Variants in LARP1B observed in about 807,000 individuals in gnomAD.
LARP1B encodes La ribonucleoprotein 1B.
LARP1B carries 76 observed loss-of-function variants against 114.2 expected under a neutral mutation model. The observed-to-expected ratio is 0.67, with a 90% CI of 0.55 to 0.81. The LOEUF (loss-of-function observed/expected upper bound fraction) is 0.81, where lower values mean the gene tolerates loss of function less well. LARP1B is among the 30% of genes least tolerant of loss of function. The pLI, the probability that LARP1B is intolerant of heterozygous loss-of-function variation, is 0.00. For synonymous variants in LARP1B, 345 were observed against 348.0 expected (o/e 0.99, Z 0.10); for missense variants, 1,014 against 1,075.8 (o/e 0.94, Z 0.80).
intron 8 of LARP1B, among the ~76,000 whole-genome samples, chr4:128,105,024 C>T (rs1419993256): frequency 4.6e-5 from 7 of 151,710 alleles, no homozygotes; most frequent in Non-Finnish European, 1.0e-4. Context: ...TTTTCCACAA[C>T]TTTACTTTGG....
intron 1 of LARP1B, among the ~76,000 whole-genome samples, chr4:128,065,992 C>T (rs931131223): frequency 2.0e-5 from 3 of 151,468 alleles, no homozygotes; most frequent in Admixed American, 2.0e-4. Flanking sequence ...TAGCCATGCC[C>T]GGCTAGTTAT....
chr4:128,065,278 TTTC>T (rs1241637505), intron 1 of LARP1B, among the ~76,000 whole-genome samples: 2 of 129,636 alleles, frequency 1.5e-5, no homozygotes, highest in South Asian at 2.5e-4. Context: ...TCTTTCTTTC[TTTC>T]TTTCTTTCTT....
At chr4:128,150,186 G>A (rs1417370060) in intron 11 of LARP1B, among the ~76,000 whole-genome samples, 1 of 151,688 alleles carries the variant, frequency 6.6e-6, no homozygotes, top group Non-Finnish European at 1.5e-5. Context: ...AAAAAGGTGT[G>A]GTTATTATAT....
At chr4:128,107,851 T>TG (rs2149804980) in intron 9 of LARP1B, 5 of 1,477,066 alleles carry the variant, frequency 3.4e-6, no homozygotes, top group Non-Finnish European at 4.5e-6. Context: ...CATTCCCTCT[T>TG]GGGAAAAAAT....
intron 11 of LARP1B, chr4:128,123,538 A>T (rs1788658683): frequency 2.2e-6 from 1 of 450,616 alleles, no homozygotes. Context: ...TATTTTACTT[A>T]CTTTTATTCT....
At chr4:128,171,574 T>A (rs1011356457) in intron 12 of LARP1B, among the ~76,000 whole-genome samples, 1 of 152,222 alleles carries the variant, frequency 6.6e-6, no homozygotes, top group African/African-American at 2.4e-5. Flanking sequence ...ATTATATTTA[T>A]CTGGACCTTT....
intron 4 of LARP1B, among the ~76,000 whole-genome samples, chr4:128,079,648 CGA>C (rs1194236698): frequency 6.6e-6 from 1 of 151,982 alleles, no homozygotes; most frequent in East Asian, 1.9e-4. Context: ...ACTGCAGCCT[CGA>C]TGACCTGGGC....
At chr4:128,065,987 A>G (rs77656353) in intron 1 of LARP1B, among the ~76,000 whole-genome samples, 4,778 of 151,652 alleles carry the variant, frequency 0.032, 244 homozygotes, top group African/African-American at 0.11. Context: ...GGAATTAGCC[A>G]TGCCCGGCTA....
chr4:128,088,280 T>C (rs548985394), intron 5 of LARP1B, among the ~76,000 whole-genome samples: 4 of 152,280 alleles, frequency 2.6e-5, no homozygotes, highest in African/African-American at 9.6e-5. Flanking sequence ...TAAACTTCGC[T>C]TTGTGCACTC....
intron 12 of LARP1B, among the ~76,000 whole-genome samples, chr4:128,166,616 AAATAT>A (rs2150492396): frequency 6.6e-6 from 1 of 151,930 alleles, no homozygotes. Context: ...CAAAAATACC[AAATAT>A]AATATAATGT....
At chr4:128,136,395 G>A (rs1725340360) in intron 11 of LARP1B, among the ~76,000 whole-genome samples, 2 of 151,754 alleles carry the variant, frequency 1.3e-5, no homozygotes, top group Admixed American at 6.6e-5. Flanking sequence ...GACTTACAAA[G>A]TTGACTTAGA....
At chr4:128,201,840 A>G (rs1371465133) in intron 17 of LARP1B, among the ~76,000 whole-genome samples, 1 of 152,204 alleles carries the variant, frequency 6.6e-6, no homozygotes, top group East Asian at 1.9e-4. Context: ...GAGAGAAGGG[A>G]AAAAGATGAT....
downstream of LARP1B, among the ~76,000 whole-genome samples, chr4:128,213,612 G>C (rs1458804625): frequency 3.3e-5 from 5 of 152,088 alleles, no homozygotes; most frequent in African/African-American, 4.8e-5. Context: ...AAATCTAAAT[G>C]GCCCTACCCA....
rs770108004 is a variant in LARP1B, at chr4:128,122,266, G to A, written c.1524+78G>A. ...TTGCTGTTTATATTTTCTCAAACTT[G>A]AGGCTCTATTTTATGAAATGTTGAA... is the stretch of plus-strand genomic sequence containing the variant. On this transcript the variant is annotated intron_variant, in intron 11 of 19. Transcript: ENST00000326639. 25 of 1,555,186 alleles carry A rather than the reference G, an allele frequency of 1.6e-5. 1 individual carries two copies. In the South Asian group the frequency reaches 3.0e-4, roughly 19 times the overall value.
At chr4:128,176,305 T>C (rs577818416) in intron 12 of LARP1B, among the ~76,000 whole-genome samples, 1 of 147,822 alleles carries the variant, frequency 6.8e-6, no homozygotes, top group South Asian at 2.1e-4. Context: ...ATATATATTT[T>C]TTTTTTAGAT....
chr4:128,095,889 T>TAAA (rs1463845960), intron 7 of LARP1B, among the ~76,000 whole-genome samples: 2 of 152,190 alleles, frequency 1.3e-5, no homozygotes, highest in African/African-American at 4.8e-5. Context: ...TCATCATTGA[T>TAAA]GTTATGTATT....
chr4:128,069,565 G>T, intron 1 of LARP1B: 1 of 738,026 alleles, frequency 1.4e-6, no homozygotes, highest in Non-Finnish European at 2.5e-6. Flanking sequence ...ACTCTCAGAA[G>T]AAAGTGCATT....
chr4:128,169,110 T>A (rs1354603946), intron 12 of LARP1B, among the ~76,000 whole-genome samples: 1 of 152,140 alleles, frequency 6.6e-6, no homozygotes, highest in Non-Finnish European at 1.5e-5. Context: ...TAGAGATATC[T>A]CTTCTTTCAT....
rs140134094 is a variant in LARP1B at position 128,174,426 on chromosome 4, A to C, written c.1649-2446A>C. Among the ~76,000 whole-genome samples, 248 of 152,144 alleles carry C rather than the reference A, an allele frequency of 1.6e-3. 1 individual carries two copies. The highest frequency in any genetic ancestry group is 2.6e-3 in the Non-Finnish European group (177 of 67,920). On this transcript the variant is annotated intron_variant, in intron 12 of 19. Coordinates refer to ENST00000326639, the MANE Select transcript of LARP1B (RefSeq NM_018078.4). ...TTTGATAATTTTATGTCAAAATATT[A>C]TAAATTGGTATATGATAGTCTATAA... is the stretch of plus-strand genomic sequence containing the variant.
Sources: allele counts gnomAD v4.1 joint callset (sites outside exome capture counted in the v4.1 genomes callset), GRCh38; gene constraint gnomAD v4.1.1; transcripts MANE v1.5; gene names NCBI Gene and HGNC (gene_info 2026-07-23, HGNC 2026-07-21).